Variants in MAGI2 observed in about 807,000 individuals in gnomAD.
The protein encoded by MAGI2 is membrane associated guanylate kinase, WW and PDZ domain containing 2, also known as membrane-associated guanylate kinase, WW and PDZ domain-containing protein 2.
In MAGI2, 35 loss-of-function variants were observed where a neutral mutation model predicts 133.3. The observed-to-expected ratio is 0.26, with a 90% CI of 0.20 to 0.35. The LOEUF is 0.35. Ranked by LOEUF, MAGI2 falls within the 10% of genes least tolerant of loss-of-function variation. The pLI, the probability that MAGI2 is intolerant of heterozygous loss-of-function variation, is 1.00. For missense variants in MAGI2, 1,636 were observed against 1,863.4 expected, an observed-to-expected ratio of 0.88 and a Z score of 2.25; for synonymous variants, 729 against 710.6, an observed-to-expected ratio of 1.03 and a Z score of -0.41.
intron 1 of MAGI2, among the ~76,000 whole-genome samples, chr7:79,102,332 T>A (rs1364655160): frequency 6.6e-6 from 1 of 152,172 alleles, no homozygotes; most frequent in African/African-American, 2.4e-5. Context: ...GCATATATAT[T>A]TGATTGCTTC....
intron 1 of MAGI2, among the ~76,000 whole-genome samples, chr7:79,357,808 T>C (rs576340771): frequency 4.6e-5 from 7 of 152,324 alleles, no homozygotes; most frequent in Non-Finnish European, 7.3e-5. Flanking sequence ...CCATCTAACC[T>C]CTTTGAATTT....
chr7:78,797,176 T>C (rs77188783), intron 2 of MAGI2, among the ~76,000 whole-genome samples: 9,668 of 152,172 alleles, frequency 0.064, 343 homozygotes, highest in Admixed American at 0.11. Flanking sequence ...TTTGAGATGA[T>C]GGATATGCCA....
In MAGI2 at chr7:78,222,908, C is replaced by CA. The variant is rs1788975364; in HGVS notation, c.2048-21716dup. 5.9e-5 allele frequency among the ~76,000 whole-genome samples: 9 copies of CA among 152,136 alleles called. 1 individual carries two copies. In the South Asian group the frequency reaches 1.9e-3, roughly 32 times the overall value. On this transcript the variant is annotated intron_variant, in intron 10 of 21. Coordinates refer to ENST00000354212, the MANE Select transcript of MAGI2 (RefSeq NM_012301.4). ...ACTGAGTGAAAAGTGTAATGAAAAG[C>CA]AAAAATCAAATCAAACCACACCCAT...
chr7:78,431,602 G>A (rs905438986), intron 6 of MAGI2, among the ~76,000 whole-genome samples: 8 of 152,088 alleles, frequency 5.3e-5, no homozygotes, highest in Admixed American at 2.0e-4. Context: ...GGAAGAAAAA[G>A]AAAATGCAGA....
intron 14 of MAGI2, 37 bp downstream of exon 14, chr7:78,177,974 C>G (rs536073645): frequency 1.4e-6 from 2 of 1,422,194 alleles, no homozygotes; most frequent in African/African-American, 1.4e-5. Flanking sequence ...TCATACAATA[C>G]AGCCCCAAGC....
At chr7:79,289,062 G>C (rs2129558598) in intron 1 of MAGI2, among the ~76,000 whole-genome samples, 1 of 152,198 alleles carries the variant, frequency 6.6e-6, no homozygotes, top group Admixed American at 6.5e-5. Flanking sequence ...GTCACTTTGA[G>C]AGCCTAGTGC....
chr7:78,926,757 A>G (rs940309778), intron 2 of MAGI2, among the ~76,000 whole-genome samples: 1 of 152,052 alleles, frequency 6.6e-6, no homozygotes, highest in African/African-American at 2.4e-5. Flanking sequence ...CATTTTAAAT[A>G]GAGACCATGG....
At chr7:78,542,672 G>A (rs1331142403) in intron 3 of MAGI2, among the ~76,000 whole-genome samples, 8 of 152,186 alleles carry the variant, frequency 5.3e-5, no homozygotes, top group Admixed American at 5.2e-4. Context: ...GAAGGAGCAT[G>A]TAGGCACCGA....
At chr7:78,408,266 C>T (rs2191328) in intron 6 of MAGI2, among the ~76,000 whole-genome samples, 7,226 of 152,084 alleles carry the variant, frequency 0.048, 421 homozygotes, top group East Asian at 0.16. Context: ...TTAACATATG[C>T]ATATACTTCT....
At chr7:78,361,387 C>T (rs1376767890) in intron 7 of MAGI2, among the ~76,000 whole-genome samples, 1 of 74,432 alleles carries the variant, frequency 1.3e-5, no homozygotes, top group Non-Finnish European at 2.7e-5. Flanking sequence ...AGTGAGACTC[C>T]ATCTCAAAAA....
intron 2 of MAGI2, among the ~76,000 whole-genome samples, chr7:78,998,668 T>C (rs1048145299): frequency 3.2e-4 from 48 of 152,170 alleles, no homozygotes; most frequent in South Asian, 2.1e-4. Flanking sequence ...TAGTATTCCT[T>C]TGTCATTGTT....
At chr7:78,093,262 A>C (rs1172489173) in intron 20 of MAGI2, among the ~76,000 whole-genome samples, 2 of 151,672 alleles carry the variant, frequency 1.3e-5, no homozygotes, top group Non-Finnish European at 2.9e-5. Context: ...ATTCATGACT[A>C]GCCTGGCCAA....
At chr7:78,408,743 G>A (rs1370544775) in intron 6 of MAGI2, among the ~76,000 whole-genome samples, 4 of 151,878 alleles carry the variant, frequency 2.6e-5, no homozygotes, top group African/African-American at 4.8e-5. Flanking sequence ...AATACGTAAC[G>A]CAAAAATTTA....
At chr7:78,754,139 G>A (rs560832852) in intron 2 of MAGI2, among the ~76,000 whole-genome samples, 1 of 152,204 alleles carries the variant, frequency 6.6e-6, no homozygotes, top group African/African-American at 2.4e-5. Context: ...CACTTTGGGA[G>A]GCTGAGGCAG....
intron 1 of MAGI2, among the ~76,000 whole-genome samples, chr7:79,407,687 A>G (rs1321795597): frequency 2.6e-5 from 4 of 152,176 alleles, no homozygotes. Flanking sequence ...TAAGAAAAGC[A>G]AATTCTGTCC....
chr7:79,028,084 C>T (rs939460964), intron 1 of MAGI2, among the ~76,000 whole-genome samples: 18 of 151,074 alleles, frequency 1.2e-4, no homozygotes, highest in Admixed American at 1.1e-3. Context: ...TGGTGGCATG[C>T]GCCTGTAGTC....
At chr7:78,714,373 C>A (rs1479972660) in intron 2 of MAGI2, among the ~76,000 whole-genome samples, 1 of 152,146 alleles carries the variant, frequency 6.6e-6, no homozygotes, top group Non-Finnish European at 1.5e-5. Context: ...AAGGGCTGTG[C>A]TGAGCCTCCA....
intron 9 of MAGI2, among the ~76,000 whole-genome samples, chr7:78,327,800 A>G (rs1461727380): frequency 6.6e-6 from 1 of 152,208 alleles, no homozygotes; most frequent in African/African-American, 2.4e-5. Context: ...GGATTGTAAA[A>G]CAGAACAAGA....
chr7:78,599,743 C>T (rs745442517), intron 3 of MAGI2, among the ~76,000 whole-genome samples: 1 of 152,080 alleles, frequency 6.6e-6, no homozygotes, highest in South Asian at 2.1e-4. Flanking sequence ...TCAGGTTCTC[C>T]CCTAATTTGG....
Sources: allele counts gnomAD v4.1 joint callset (sites outside exome capture counted in the v4.1 genomes callset), GRCh38; gene constraint gnomAD v4.1.1; transcripts MANE v1.5; gene names NCBI Gene and HGNC (gene_info 2026-07-23, HGNC 2026-07-21).